DENND2B: variants seen among roughly 807,000 people sequenced by gnomAD.
DENND2B encodes the protein DENN domain containing 2B.
In DENND2B, 32 loss-of-function variants were observed where a neutral mutation model predicts 116.0. The observed-to-expected ratio is 0.28, with a 90% CI of 0.21 to 0.37. The LOEUF is 0.37. DENND2B is among the 10% of genes least tolerant of loss of function. The probability of loss-of-function intolerance (pLI) is 1.00; values close to 1 mark genes in which losing one functional copy is unlikely to be tolerated. For synonymous variants in DENND2B, 588 were observed against 583.9 expected, an observed-to-expected ratio of 1.01 and a Z score of -0.10; for missense variants, 1,276 against 1,477.7, an observed-to-expected ratio of 0.86 and a Z score of 2.24.
intron 1 of DENND2B, among the ~76,000 whole-genome samples, chr11:8,890,859 G>A (rs1035168378): frequency 2.6e-5 from 4 of 152,084 alleles, no homozygotes; most frequent in African/African-American, 9.7e-5. Context: ...TAGCAAGGCA[G>A]GCCAACATTC....
chr11:8,787,423 G>T (rs1474554544), intron 1 of DENND2B: 3 of 151,984 alleles, frequency 2.0e-5, no homozygotes, highest in Non-Finnish European at 4.4e-5. Flanking sequence ...CGATCCTCCC[G>T]CCTCAGCCTG....
chr11:8,709,347 C>T (rs1479037832), intron 11 of DENND2B, among the ~76,000 whole-genome samples: 1 of 152,200 alleles, frequency 6.6e-6, no homozygotes. Context: ...GAATGCCGAG[C>T]TAGTGCCAGC....
chr11:8,805,942 G>A (rs2060798791), intron 1 of DENND2B, among the ~76,000 whole-genome samples: 1 of 152,128 alleles, frequency 6.6e-6, no homozygotes, highest in African/African-American at 2.4e-5. Context: ...AACAAACAGA[G>A]GTGTTAACCC....
chr11:8,805,171 C>CTA (rs771789668), intron 1 of DENND2B, among the ~76,000 whole-genome samples: 1 of 152,210 alleles, frequency 6.6e-6, no homozygotes, highest in Non-Finnish European at 1.5e-5. Context: ...GACCCCTGAG[C>CTA]TATAGCTGTT....
chr11:8,841,813 A>C (rs549699111), intron 3 of DENND2B, among the ~76,000 whole-genome samples: 1 of 152,350 alleles, frequency 6.6e-6, no homozygotes, highest in South Asian at 2.1e-4. Context: ...AAACGGAAAC[A>C]GTCTGAGCAA....
intron 2 of DENND2B, among the ~76,000 whole-genome samples, chr11:8,745,442 G>T (rs1242587315): frequency 6.6e-6 from 1 of 152,274 alleles, no homozygotes; most frequent in African/African-American, 2.4e-5. Context: ...AGATTTTAGG[G>T]GAGAGAGTGA....
intron 4 of DENND2B, among the ~76,000 whole-genome samples, chr11:8,833,676 C>T (rs994480978): frequency 7.9e-5 from 12 of 152,044 alleles, no homozygotes; most frequent in African/African-American, 2.2e-4. Flanking sequence ...ACCTTGGCTG[C>T]GAATAGGATT....
At chr11:8,823,405 A>C (rs1594113039) in intron 4 of DENND2B, among the ~76,000 whole-genome samples, 1 of 152,324 alleles carries the variant, frequency 6.6e-6, no homozygotes, top group East Asian at 1.9e-4. Context: ...ATCTGTTTTT[A>C]TCACATTTAT....
At chr11:8,732,654 G>C (rs2048315106) in intron 2 of DENND2B, among the ~76,000 whole-genome samples, 1 of 152,244 alleles carries the variant, frequency 6.6e-6, no homozygotes, top group Non-Finnish European at 1.5e-5. Flanking sequence ...GAAGGGAAAG[G>C]TGAGCTTATT....
chr11:8,772,128 T>TAA (rs2057001213), intron 1 of DENND2B, among the ~76,000 whole-genome samples: 1 of 147,160 alleles, frequency 6.8e-6, no homozygotes, highest in African/African-American at 2.5e-5. Flanking sequence ...ATGGAAGCTC[T>TAA]ACACACACAC....
At chr11:8,736,303 A>G (rs866547335) in intron 2 of DENND2B, among the ~76,000 whole-genome samples, 1 of 152,096 alleles carries the variant, frequency 6.6e-6, no homozygotes, top group Non-Finnish European at 1.5e-5. Context: ...GCAAGCCACA[A>G]TCATACCACT....
intron 5 of DENND2B, among the ~76,000 whole-genome samples, chr11:8,716,534 T>C (rs2044826082): frequency 6.6e-6 from 1 of 152,164 alleles, no homozygotes; most frequent in Non-Finnish European, 1.5e-5. Flanking sequence ...CTCTCCTCAC[T>C]CCTCAGCAAA....
At chr11:8,816,535 A>G (rs1360825685) in intron 4 of DENND2B, among the ~76,000 whole-genome samples, 1 of 148,032 alleles carries the variant, frequency 6.8e-6, no homozygotes, top group Non-Finnish European at 1.5e-5. Flanking sequence ...TGGGTGACAG[A>G]GCAAAACTGT....
intron 4 of DENND2B, among the ~76,000 whole-genome samples, chr11:8,834,652 G>A (rs1026545584): frequency 3.3e-5 from 5 of 152,212 alleles, no homozygotes; most frequent in African/African-American, 1.2e-4. Flanking sequence ...GAAGCCCTTG[G>A]AAGCACTTTT....
At chr11:8,804,823 C>T (rs1317686975) in intron 1 of DENND2B, among the ~76,000 whole-genome samples, 4 of 152,012 alleles carry the variant, frequency 2.6e-5, no homozygotes, top group East Asian at 3.9e-4. Flanking sequence ...GGATTACAGA[C>T]GTGAGCCACT....
At chr11:8,760,698 AC>A (rs753008596) in intron 1 of DENND2B, among the ~76,000 whole-genome samples, 5 of 152,176 alleles carry the variant, frequency 3.3e-5, no homozygotes, top group Non-Finnish European at 7.3e-5. Flanking sequence ...AAAACAGTAA[AC>A]CCTTTTCTCC....
intron 1 of DENND2B, among the ~76,000 whole-genome samples, chr11:8,782,408 A>G (rs1417571137): frequency 6.6e-6 from 1 of 152,144 alleles, no homozygotes; most frequent in African/African-American, 2.4e-5. Context: ...CTTTAGTCAT[A>G]TTTGTCCAAT....
At chr11:8,715,132 T>C (rs61875929) in intron 6 of DENND2B, among the ~76,000 whole-genome samples, 4,608 of 152,306 alleles carry the variant, frequency 0.03, 128 homozygotes, top group Non-Finnish European at 0.047. Context: ...AAATTCCCAA[T>C]ATACCCAAGC....
intron 1 of DENND2B, among the ~76,000 whole-genome samples, chr11:8,807,302 G>C (rs543260261): frequency 2.4e-4 from 37 of 152,336 alleles, no homozygotes; most frequent in African/African-American, 8.7e-4. Flanking sequence ...TGCTTCAGAA[G>C]GCCCAGGCCT....
Sources: gnomAD v4.1 joint callset for allele counts (sites outside exome capture counted in the v4.1 genomes callset) on GRCh38, gnomAD v4.1.1 for gene constraint, MANE v1.5 for transcripts, NCBI Gene and HGNC (gene_info 2026-07-23, HGNC 2026-07-21) for gene names.